Variants in UNC80 observed in about 807,000 individuals in gnomAD.
The protein encoded by UNC80 is unc-80 subunit of NALCN channel complex.
In UNC80, 164 loss-of-function variants were observed where a neutral mutation model predicts 384.6. That is an observed-to-expected ratio of 0.43 (90% CI 0.38 to 0.49). The LOEUF (loss-of-function observed/expected upper bound fraction) is 0.49, where lower values mean the gene tolerates loss of function less well. Among genes scored for constraint, UNC80 ranks in the 20% least tolerant of loss-of-function variants. UNC80 has a pLI of 0.00. For missense variants in UNC80, 3,330 were observed against 4,143.0 expected (o/e 0.80, Z 5.39); for synonymous variants, 1,486 against 1,527.8 (o/e 0.97, Z 0.64).
Position 209,831,536 on chromosome 2 carries a change from C to T in UNC80, c.2720C>T (p.Ser907Phe). 6.4e-7 allele frequency: 1 copy of T among 1,551,128 alleles called. No individual in the cohort carries two copies. Among genetic ancestry groups the T allele is most frequent in the Admixed American group, 2.0e-5 (1 of 50,908 alleles). The change falls in exon 16 of 65, where the codon TCC (serine) becomes TTC (phenylalanine). Residue 907 changes from serine (S) to phenylalanine (F), a missense_variant. Coordinates refer to ENST00000673920, the MANE Select transcript of UNC80 (RefSeq NM_001371986.1). ...EGIIVSAMFK[S>F]LITRCASTTH... The stretch of plus-strand genomic sequence containing the variant: ...ATTATCGTCAGCGCCATGTTTAAAT[C>T]CCTCATCACACGCTGCGCTTCAACC...
intron 29 of UNC80, among the ~76,000 whole-genome samples, chr2:209,910,649 CTT>C (rs540625562): frequency 2.5e-3 from 256 of 104,320 alleles, no homozygotes; most frequent in African/African-American, 8.6e-3. Context: ...AAATGCTCAT[CTT>C]TTTTTTTTTT....
chr2:209,851,433 A>C (rs185097768), intron 22 of UNC80, among the ~76,000 whole-genome samples: 70 of 152,226 alleles, frequency 4.6e-4, no homozygotes, highest in South Asian at 1.9e-3. Context: ...AGTTCTTTAC[A>C]TATCAAATAC....
chr2:209,893,833 G>A (rs181948567), intron 26 of UNC80, among the ~76,000 whole-genome samples: 1 of 152,270 alleles, frequency 6.6e-6, no homozygotes, highest in Non-Finnish European at 1.5e-5. Context: ...AATGGTTTGT[G>A]GTTCTCTTGA....
chr2:209,905,094 A>G, intron 29 of UNC80, 129 bp downstream of exon 29: 1 of 903,686 alleles, frequency 1.1e-6, no homozygotes, highest in Non-Finnish European at 1.7e-6. Context: ...TCTAAACATA[A>G]GCAGAAGAGA....
intron 63 of UNC80, 92 bp from the exon 64 acceptor site, chr2:209,993,973 C>T: frequency 6.2e-6 from 7 of 1,125,984 alleles, no homozygotes; most frequent in South Asian, 1.8e-5. Flanking sequence ...TTAAAAAATC[C>T]CCAGGAGACA....
At chr2:209,861,773 C>T (rs768754200) in intron 22 of UNC80, among the ~76,000 whole-genome samples, 6 of 151,942 alleles carry the variant, frequency 3.9e-5, no homozygotes, top group East Asian at 1.9e-4. Flanking sequence ...AGGGCATATG[C>T]GTCCAGGAAT....
intron 6 of UNC80, among the ~76,000 whole-genome samples, chr2:209,792,351 T>C (rs983072615): frequency 2.0e-5 from 3 of 152,156 alleles, no homozygotes; most frequent in African/African-American, 7.2e-5. Flanking sequence ...TTTTGTTTTG[T>C]TTTGCTTTGT....
In UNC80 at chr2:209,793,611, C is replaced by T. The variant is rs1033543991; in HGVS notation, c.799-109C>T. 1.0e-5 allele frequency: 14 copies of T among 1,336,772 alleles called. No homozygotes were observed. In the African/African-American group the frequency reaches 1.6e-4, roughly 15 times the overall value. The allele number at this position is 1,336,772 out of a possible 1,614,324, so 82.8% of individuals were successfully genotyped here. ...TAATTAACTATAGTGAAAAAAAGCCCATATATGGAACCATGTTGTAATATG... is the reference window on the plus strand; with the variant it reads ...TAATTAACTATAGTGAAAAAAAGCCTATATATGGAACCATGTTGTAATATG... On this transcript the variant is annotated intron_variant, in intron 6 of 64. Coordinates refer to ENST00000673920, the MANE Select transcript of UNC80 (RefSeq NM_001371986.1).
At chr2:209,904,282 C>T (rs1279370415) in intron 28 of UNC80, among the ~76,000 whole-genome samples, 1 of 152,070 alleles carries the variant, frequency 6.6e-6, no homozygotes, top group East Asian at 1.9e-4. Context: ...AGATGATTGG[C>T]CAGAGGAGAA....
rs758252802 is a variant in UNC80 at position 209,976,250 on chromosome 2, G to A, written c.8719G>A (p.Val2907Met). The change falls in exon 57 of 65, where the codon GTG becomes ATG. Residue 2907 changes from valine to methionine, a missense_variant. This residue lies in a region of UNC80 where 1,049 missense variants were observed against 1,488.6 expected (regional missense o/e 0.70). Transcript: ENST00000673920. The surrounding 1 kb of genome is among the most constrained non-coding windows in gnomAD (Gnocchi z 4.3). Reference protein sequence around the residue: ...LALWDFLDFIVRTRIPIFVLL... With the variant: ...LALWDFLDFIMRTRIPIFVLL... ...CCTTTGGGATTTCCTCGACTTCATC[G>A]TGCGGACCCGAATACCCATCTTTGT... 4.1e-5 allele frequency: 64 copies of A among 1,551,704 alleles called. No homozygotes were observed. The Admixed American group carries it at 5.9e-4, about 14-fold the overall frequency.
chr2:209,865,061 A>C (rs2083621620), intron 22 of UNC80, among the ~76,000 whole-genome samples: 1 of 152,076 alleles, frequency 6.6e-6, no homozygotes, highest in African/African-American at 2.4e-5. Context: ...ATGCTCACTC[A>C]CTGCCTCCCT....
Position 209,775,878 on chromosome 2 carries a change from T to C in UNC80, c.142-11T>C, listed in dbSNP as rs1454902080. 1 of 1,606,288 alleles carries C rather than the reference T, an allele frequency of 6.2e-7. No homozygotes were observed. The highest frequency in any genetic ancestry group is 8.5e-7 in the Non-Finnish European group (1 of 1,176,486). On this transcript the variant is annotated splice_polypyrimidine_tract_variant and intron_variant, in intron 2 of 64. Coordinates refer to ENST00000673920, the MANE Select transcript of UNC80 (RefSeq NM_001371986.1). ...TGGCTTTTCTTATTGTTTTTGTTTT[T>C]GTATTTACAGTCCTTTGAGCGAGTG...
intron 54 of UNC80, among the ~76,000 whole-genome samples, chr2:209,971,500 C>T (rs1298420031): frequency 6.6e-6 from 1 of 151,158 alleles, no homozygotes; most frequent in Non-Finnish European, 1.5e-5. Flanking sequence ...ATCCCGTCTC[C>T]TGAGTATTTC....
intron 7 of UNC80, among the ~76,000 whole-genome samples, chr2:209,803,531 T>C (rs2078691471): frequency 6.6e-6 from 1 of 152,238 alleles, no homozygotes; most frequent in African/African-American, 2.4e-5. Context: ...TATTGTATTA[T>C]TTAAATATTC....
chr2:209,900,447 A>C (rs977694404), intron 28 of UNC80, among the ~76,000 whole-genome samples: 2 of 152,154 alleles, frequency 1.3e-5, no homozygotes, highest in Non-Finnish European at 2.9e-5. Context: ...AACCACACCC[A>C]TATTGATGTT....
chr2:209,982,086 CAAGCCAAGGACAG>C (rs1185570904), intron 59 of UNC80, 80 bp from the exon 60 acceptor site: 1 of 1,329,024 alleles, frequency 7.5e-7, no homozygotes, highest in East Asian at 2.6e-5. Context: ...AAGTTGTACA[CAAGCCAAGGACAG>C]AACCCAAGTA....
intron 33 of UNC80, among the ~76,000 whole-genome samples, chr2:209,920,988 C>T (rs1037590142): frequency 2.0e-5 from 3 of 152,064 alleles, no homozygotes; most frequent in Non-Finnish European, 4.4e-5. Flanking sequence ...CCACCACGCC[C>T]AGCTAATTTT....
rs1006036798 is a variant in UNC80 at position 209,967,501 on chromosome 2, C to T, written c.7870C>T (p.Arg2624Cys). The stretch of plus-strand genomic sequence containing the variant: ...ATATGACACTCAGACAATGGAGAGT[C>T]GTGGGCTTCGGCGCTACATCATGGA... ...APYDTQTMES[R>C]GLRRYIMEML... Residue 2624 changes from arginine (R) to cysteine (C), a missense_variant, in exon 52 of 65, where the codon CGT (arginine) becomes TGT (cysteine). Arg to Cys is a radical substitution (Grantham distance 180). This residue lies in a region of UNC80 where 1,049 missense variants were observed against 1,488.6 expected (regional missense o/e 0.70). Transcript: ENST00000673920. 3.8e-5 allele frequency: 59 copies of T among 1,551,386 alleles called. No homozygotes were observed. Among genetic ancestry groups the T allele is most frequent in the African/African-American group, 9.6e-5 (7 of 72,988 alleles).
chr2:209,879,964 C>T (rs533256505), intron 24 of UNC80, among the ~76,000 whole-genome samples: 1 of 152,136 alleles, frequency 6.6e-6, no homozygotes, highest in Non-Finnish European at 1.5e-5. Flanking sequence ...ATTAAGAAAG[C>T]CTAACACCCA....
Sources: allele counts gnomAD v4.1 joint callset (sites outside exome capture counted in the v4.1 genomes callset), GRCh38; gene constraint gnomAD v4.1.1; regional missense constraint gnomAD v4.1.1; non-coding constraint Gnocchi (gnomAD v3.1); transcripts MANE v1.5; gene names NCBI Gene and HGNC (gene_info 2026-07-23, HGNC 2026-07-21).